The following CDH13 variants were observed in gnomAD, a reference collection of about 807,000 sequenced individuals.
The protein encoded by CDH13 is cadherin-13.
In CDH13, 24 loss-of-function variants were observed where a neutral mutation model predicts 63.8. The ratio of observed to expected loss-of-function variants is 0.38; its 90% CI spans 0.27 to 0.53. CDH13 has a LOEUF of 0.53. Ranked by LOEUF, CDH13 falls within the 20% of genes least tolerant of loss-of-function variation. The pLI, the probability that CDH13 is intolerant of heterozygous loss-of-function variation, is 0.85. For missense variants in CDH13, 1,049 were observed against 903.1 expected (o/e 1.16, Z -2.07); for synonymous variants, 503 against 355.3 (o/e 1.42, Z -4.67).
At chr16:83,114,580 C>CTGTAT (rs1386321531) in intron 3 of CDH13, among the ~76,000 whole-genome samples, 1 of 152,174 alleles carries the variant, frequency 6.6e-6, no homozygotes, top group Admixed American at 6.5e-5. Flanking sequence ...ATTTTATTAT[C>CTGTAT]AGCATAATTC....
chr16:82,639,926 G>C (rs1909180075), intron 1 of CDH13, among the ~76,000 whole-genome samples: 1 of 152,182 alleles, frequency 6.6e-6, no homozygotes, highest in Non-Finnish European at 1.5e-5. Flanking sequence ...GTGCCTATCT[G>C]TGCATTCCCT....
At position 82,917,322 on chromosome 16, in the gene CDH13, G is replaced by C. The variant is rs574323655; in HGVS notation, c.157+58849G>C. On this transcript the variant is annotated intron_variant, in intron 2 of 13. Transcript: ENST00000567109. ...AGGGTTACGTCAGGAAGGTGCCCTA[G>C]TTTTGGGGAAAGAACATTTCAACTC... Among the ~76,000 whole-genome samples the C allele has an allele frequency of 7.9e-5, 12 of 152,290 alleles. No homozygotes were observed. The East Asian group carries it at 2.1e-3, about 27-fold the overall frequency.
intron 13 of CDH13, among the ~76,000 whole-genome samples, chr16:83,788,770 A>G (rs902152312): frequency 7.9e-5 from 12 of 152,328 alleles, no homozygotes; most frequent in African/African-American, 2.9e-4. Flanking sequence ...GAGCCATCCC[A>G]TCTAGCATCT....
chr16:82,945,474 C>T (rs954633960), intron 2 of CDH13, among the ~76,000 whole-genome samples: 3 of 152,168 alleles, frequency 2.0e-5, no homozygotes, highest in African/African-American at 7.2e-5. Context: ...GGGTGCTAAA[C>T]GACTTTCTGC....
At chr16:83,472,935 A>G (rs2073496074) in intron 6 of CDH13, among the ~76,000 whole-genome samples, 1 of 152,138 alleles carries the variant, frequency 6.6e-6, no homozygotes, top group African/African-American at 2.4e-5. Flanking sequence ...GAGGTAATAC[A>G]TCTGTCAGTT....
intron 5 of CDH13, among the ~76,000 whole-genome samples, chr16:83,286,832 C>G (rs1263104789): frequency 6.6e-6 from 1 of 151,030 alleles, no homozygotes; most frequent in Non-Finnish European, 1.5e-5. Context: ...ATCTATCTAT[C>G]TATCTATCTA....
chr16:83,563,675 G>A (rs1360292512), intron 7 of CDH13, among the ~76,000 whole-genome samples: 1 of 152,128 alleles, frequency 6.6e-6, no homozygotes, highest in Non-Finnish European at 1.5e-5. Flanking sequence ...GTGTGTGTAT[G>A]TGTGTGTTTG....
intron 6 of CDH13, among the ~76,000 whole-genome samples, chr16:83,395,393 G>A (rs1240639865): frequency 6.6e-6 from 1 of 152,070 alleles, no homozygotes; most frequent in Non-Finnish European, 1.5e-5. Flanking sequence ...TCTTCTGGGA[G>A]GTCCTGTTTG....
chr16:82,650,930 T>C (rs116089511), intron 1 of CDH13, among the ~76,000 whole-genome samples: 1,672 of 152,248 alleles, frequency 0.011, 28 homozygotes, highest in African/African-American at 0.037. Flanking sequence ...CAGGTGAAGT[T>C]GGGGTTTGAA....
chr16:83,006,350 A>T (rs1252848862), intron 2 of CDH13, among the ~76,000 whole-genome samples: 1 of 152,238 alleles, frequency 6.6e-6, no homozygotes, highest in East Asian at 1.9e-4. Flanking sequence ...TCCCAGGTGC[A>T]TCTGAAAAAA....
intron 1 of CDH13, among the ~76,000 whole-genome samples, chr16:82,704,641 G>C (rs1338121578): frequency 6.6e-6 from 1 of 152,164 alleles, no homozygotes; most frequent in Non-Finnish European, 1.5e-5. Context: ...TCCTTTTCCT[G>C]GCCTGGGGGG....
At chr16:83,489,202 C>A (rs2073957292) in intron 7 of CDH13, among the ~76,000 whole-genome samples, 1 of 151,946 alleles carries the variant, frequency 6.6e-6, no homozygotes. Flanking sequence ...GTAAATTATC[C>A]CATTTTTAAA....
chr16:83,439,326 C>T (rs1458344359), intron 6 of CDH13, among the ~76,000 whole-genome samples: 1 of 152,168 alleles, frequency 6.6e-6, no homozygotes, highest in Non-Finnish European at 1.5e-5. Flanking sequence ...GCACCAGGAA[C>T]ACATCCGTAA....
chr16:82,965,685 G>A (rs945900880), intron 2 of CDH13, among the ~76,000 whole-genome samples: 1 of 152,114 alleles, frequency 6.6e-6, no homozygotes, highest in Non-Finnish European at 1.5e-5. Flanking sequence ...TAGTGACGGG[G>A]TTTCACCGTG....
intron 6 of CDH13, among the ~76,000 whole-genome samples, chr16:83,393,682 T>G (rs1372372939): frequency 1.3e-5 from 2 of 152,214 alleles, no homozygotes; most frequent in East Asian, 3.8e-4. Flanking sequence ...ATTCATTCAT[T>G]GAATTGAATC....
At chr16:83,084,796 G>A (rs1348632591) in intron 3 of CDH13, among the ~76,000 whole-genome samples, 1 of 152,168 alleles carries the variant, frequency 6.6e-6, no homozygotes, top group Non-Finnish European at 1.5e-5. Flanking sequence ...GCTGAGGCAG[G>A]AGAATCCCTT....
intron 5 of CDH13, among the ~76,000 whole-genome samples, chr16:83,259,768 G>C (rs1906737641): frequency 6.6e-6 from 1 of 152,096 alleles, no homozygotes; most frequent in Non-Finnish European, 1.5e-5. Flanking sequence ...ACTGAATGCT[G>C]AGCCTTCTAG....
At chr16:83,481,507 C>T (rs1401106382) in intron 6 of CDH13, among the ~76,000 whole-genome samples, 1 of 152,162 alleles carries the variant, frequency 6.6e-6, no homozygotes, top group Non-Finnish European at 1.5e-5. Context: ...CTTTCAAGGT[C>T]AAGAAACCAG....
intron 2 of CDH13, among the ~76,000 whole-genome samples, chr16:82,891,532 A>G (rs1317450874): frequency 2.0e-5 from 3 of 152,226 alleles, no homozygotes; most frequent in African/African-American, 7.2e-5. Flanking sequence ...CCTATTGAGT[A>G]CACTGCACCA....
Sources: allele counts gnomAD v4.1 joint callset (sites outside exome capture counted in the v4.1 genomes callset), GRCh38; gene constraint gnomAD v4.1.1; transcripts MANE v1.5; gene names NCBI Gene and HGNC (gene_info 2026-07-23, HGNC 2026-07-21).